Variants in RAD51D observed in about 807,000 individuals in gnomAD.
RAD51D encodes DNA repair protein RAD51 homolog 4.
RAD51D carries 38 observed loss-of-function variants against 44.1 expected under a neutral mutation model. The ratio of observed to expected loss-of-function variants is 0.86; its 90% CI spans 0.67 to 1.13. The LOEUF (loss-of-function observed/expected upper bound fraction) is 1.13. RAD51D is among the 50% of genes most tolerant of loss of function. RAD51D has a pLI of 0.00. For missense variants in RAD51D, 390 were observed against 414.0 expected, an observed-to-expected ratio of 0.94 and a Z score of 0.50; for synonymous variants, 141 against 166.6, an observed-to-expected ratio of 0.85 and a Z score of 1.18.
chr17:35,110,200 C>T (rs1219695792), intron 3 of RAD51D, among the ~76,000 whole-genome samples: 1 of 152,072 alleles, frequency 6.6e-6, no homozygotes, highest in African/African-American at 2.4e-5. Context: ...TTTTGAACTC[C>T]TGGGCTCAAG....
chr17:35,107,280 G>T, intron 4 of RAD51D, 86 bp downstream of exon 4: 1 of 1,452,940 alleles, frequency 6.9e-7, no homozygotes, highest in Non-Finnish European at 9.7e-7. Context: ...GAACCCATTA[G>T]TACGCTGAAG....
In RAD51D at chr17:35,119,673, G is replaced by C. The variant is rs956293755; in HGVS notation, c.-60C>G. The C allele has an allele frequency of 2.6e-6, 4 of 1,562,180 alleles. No individual in the cohort carries two copies. The highest frequency in any genetic ancestry group is 2.7e-5 in the African/African-American group (2 of 74,184). On this transcript the variant is annotated 5_prime_UTR_variant, in exon 1 of 10. Coordinates refer to ENST00000345365, the MANE Select transcript of RAD51D (RefSeq NM_002878.4). The stretch of plus-strand genomic sequence containing the variant: ...GCACGTCACGTGGGCATTCGCGGGG[G>C]GTCCTCTCCAGACGCCCCTCCCCTA...
chr17:35,110,076 C>G (rs1322481404), intron 3 of RAD51D, among the ~76,000 whole-genome samples: 1 of 150,216 alleles, frequency 6.7e-6, no homozygotes, highest in East Asian at 2.0e-4. Flanking sequence ...CTGAGGTGAT[C>G]CTCCCACATC....
chr17:35,117,480 C>T (rs1260071088), intron 3 of RAD51D, among the ~76,000 whole-genome samples: 1 of 152,160 alleles, frequency 6.6e-6, no homozygotes, highest in Non-Finnish European at 1.5e-5. Context: ...CACCAAACAA[C>T]GTGGCGGGAC....
chr17:35,102,315 AT>A (rs1159601788), intron 8 of RAD51D, among the ~76,000 whole-genome samples: 2 of 151,634 alleles, frequency 1.3e-5, no homozygotes, highest in Non-Finnish European at 1.5e-5. Flanking sequence ...TAGTTTTTGT[AT>A]TTTTTGTAGA....
chr17:35,106,008 T>C (rs2091598271), intron 6 of RAD51D: 3 of 435,722 alleles, frequency 6.9e-6, no homozygotes, highest in Non-Finnish European at 1.4e-5. Flanking sequence ...ACAAATCTAT[T>C]GCCCTGATAG....
chr17:35,113,711 C>T (rs1445537419), intron 3 of RAD51D: 1 of 223,776 alleles, frequency 4.5e-6, no homozygotes, highest in Non-Finnish European at 9.5e-6. Context: ...TATCCAGCCT[C>T]TACCACTCCT....
rs1432833154 is a variant in RAD51D, at chr17:35,095,972, C to A, written c.*4981G>T. 1.3e-5 allele frequency: 2 copies of A among 152,148 alleles called. No homozygotes were observed. Among genetic ancestry groups the A allele is most frequent in the Non-Finnish European group, 2.9e-5 (2 of 68,022 alleles). The allele number at this position is 152,148 out of a possible 1,614,324, so 9.4% of individuals were successfully genotyped here. On this transcript the variant is annotated 3_prime_UTR_variant, in exon 10 of 10. Coordinates refer to ENST00000345365, the MANE Select transcript of RAD51D (RefSeq NM_002878.4). ...GTTCCAGGCAGCCAACTATTCAAAC[C>A]ATTTTCAAATAAGGCAAAGGCAGAG...
At chr17:35,102,050 T>C (rs2091545122) in intron 8 of RAD51D, among the ~76,000 whole-genome samples, 1 of 152,218 alleles carries the variant, frequency 6.6e-6, no homozygotes, top group Non-Finnish European at 1.5e-5. Flanking sequence ...TAGTAAATTT[T>C]ATGTTACATG....
At chr17:35,101,570 G>A (rs1443460748) in intron 8 of RAD51D, among the ~76,000 whole-genome samples, 1 of 152,130 alleles carries the variant, frequency 6.6e-6, no homozygotes, top group Non-Finnish European at 1.5e-5. Context: ...GATGCCTCAG[G>A]TTTGACCCGA....
At position 35,102,202 on chromosome 17, in the gene RAD51D, A is replaced by G. The variant is rs549100672; in HGVS notation, c.739-837T>C. Among the ~76,000 whole-genome samples, 25 of 151,986 alleles carry G rather than the reference A, an allele frequency of 1.6e-4. No individual in the cohort carries two copies. In the South Asian group the frequency reaches 5.2e-3, roughly 32 times the overall value. On this transcript the variant is annotated intron_variant, in intron 8 of 9. Coordinates refer to ENST00000345365, the MANE Select transcript of RAD51D (RefSeq NM_002878.4). Reference sequence around the variant, plus strand: ...TTTTGGTTTGTTTGTTTTTGAGATGAGGTTTTGCTCTGTTGCCCAGGCTGG... The same window carrying G: ...TTTTGGTTTGTTTGTTTTTGAGATGGGGTTTTGCTCTGTTGCCCAGGCTGG...
chr17:35,106,581 G>A, intron 5 of RAD51D, 100 bp from the exon 6 acceptor site: 1 of 848,882 alleles, frequency 1.2e-6, no homozygotes. Flanking sequence ...CAAGGACTCA[G>A]GTCCAGGGTG....
At chr17:35,111,366 AAAG>A (rs1339732987) in intron 3 of RAD51D, among the ~76,000 whole-genome samples, 1 of 151,832 alleles carries the variant, frequency 6.6e-6, no homozygotes, top group Non-Finnish European at 1.5e-5. Flanking sequence ...AAAAAAAAAA[AAAG>A]AGAGAGAGAG....
chr17:35,111,427 G>A (rs2091675170), intron 3 of RAD51D, among the ~76,000 whole-genome samples: 1 of 151,990 alleles, frequency 6.6e-6, no homozygotes, highest in Non-Finnish European at 1.5e-5. Flanking sequence ...AACCAGGCAT[G>A]GTGTCCCACA....
chr17:35,119,836 C>T lies in RAD51D; in HGVS notation c.-223G>A. On this transcript the variant is annotated 5_prime_UTR_variant, in exon 1 of 10. Coordinates refer to ENST00000345365, the MANE Select transcript of RAD51D (RefSeq NM_002878.4). ...ATTCCCGCGCCCAGAGCCCGCCCGC[C>T]GGGTCGCGCCGCGCTGCCGCTTCCG... The T allele has an allele frequency of 1.5e-6, 1 of 674,750 alleles. No homozygotes were observed. The highest frequency in any genetic ancestry group is 2.8e-5 in the East Asian group (1 of 35,126). 41.8% of individuals were successfully genotyped at this position (674,750 alleles called of 1,614,324 possible).
chr17:35,107,201 T>C, intron 4 of RAD51D, 79 bp from the exon 5 acceptor site: 1 of 1,565,980 alleles, frequency 6.4e-7, no homozygotes, highest in African/African-American at 1.4e-5. Context: ...CTTGCCCAGA[T>C]TCCAGCAACA....
chr17:35,111,779 G>A (rs918883508), intron 3 of RAD51D, among the ~76,000 whole-genome samples: 4 of 151,818 alleles, frequency 2.6e-5, no homozygotes, highest in African/African-American at 4.8e-5. Flanking sequence ...TGGTCTTCCC[G>A]TAATTATTAG....
intron 3 of RAD51D, among the ~76,000 whole-genome samples, chr17:35,114,123 T>A (rs929210729): frequency 1.3e-5 from 2 of 151,810 alleles, no homozygotes; most frequent in Non-Finnish European, 2.9e-5. Context: ...ATACAAAAAA[T>A]TAGCTGGGCG....
chr17:35,116,715 C>T (rs2091752864), intron 3 of RAD51D: 15 of 660,612 alleles, frequency 2.3e-5, no homozygotes, highest in Non-Finnish European at 3.5e-5. Flanking sequence ...AGGACAGTCT[C>T]GATTTCCTGA....
Sources: gnomAD v4.1 joint callset for allele counts (sites outside exome capture counted in the v4.1 genomes callset) on GRCh38, gnomAD v4.1.1 for gene constraint, MANE v1.5 for transcripts, NCBI Gene and HGNC (gene_info 2026-07-23, HGNC 2026-07-21) for gene names.